Variants in ANKS1A observed in about 807,000 individuals in gnomAD.
The protein encoded by ANKS1A is ankyrin repeat and SAM domain-containing protein 1A.
Under a neutral mutation model 120.3 loss-of-function variants are expected in ANKS1A, and 55 were observed. The observed-to-expected ratio is 0.46, with a 90% confidence interval of 0.37 to 0.57. ANKS1A has a LOEUF of 0.57. ANKS1A is among the 20% of genes least tolerant of loss of function. The pLI, the probability that ANKS1A is intolerant of heterozygous loss-of-function variation, is 0.00. For synonymous variants in ANKS1A, 590 were observed against 604.7 expected (o/e 0.98, Z 0.36); for missense variants, 1,123 against 1,480.3 (o/e 0.76, Z 3.96).
intron 10 of ANKS1A, among the ~76,000 whole-genome samples, chr6:35,002,722 AAAG>A (rs532718265): frequency 1.6e-4 from 25 of 152,196 alleles, no homozygotes; most frequent in Non-Finnish European, 3.2e-4. Flanking sequence ...TCCCGGCCCT[AAAG>A]AATCACCCTG....
At chr6:34,969,599 A>G (rs1771078756) in intron 2 of ANKS1A, among the ~76,000 whole-genome samples, 1 of 152,128 alleles carries the variant, frequency 6.6e-6, no homozygotes, top group Non-Finnish European at 1.5e-5. Flanking sequence ...TTCAGCTCCT[A>G]CATCACTAAA....
intron 13 of ANKS1A, among the ~76,000 whole-genome samples, chr6:35,064,172 T>G (rs993324725): frequency 3.9e-5 from 6 of 152,126 alleles, no homozygotes; most frequent in Non-Finnish European, 8.8e-5. Context: ...TCTCTGCTAG[T>G]GCCCCACACC....
chr6:34,903,347 C>CTT (rs148365667), intron 1 of ANKS1A, among the ~76,000 whole-genome samples: 3 of 145,100 alleles, frequency 2.1e-5, no homozygotes, highest in African/African-American at 5.0e-5. Context: ...TGTAGAAAAA[C>CTT]TTTTTTTTTT....
At chr6:34,980,574 C>T (rs978541971) in intron 3 of ANKS1A, among the ~76,000 whole-genome samples, 2 of 152,190 alleles carry the variant, frequency 1.3e-5, no homozygotes, top group African/African-American at 2.4e-5. Flanking sequence ...GACCTTTTGA[C>T]CACTGAAAGG....
In ANKS1A at chr6:34,950,289, C is replaced by T. The variant is rs184332096; in HGVS notation, c.198-16950C>T. Among the ~76,000 whole-genome samples the T allele has an allele frequency of 2.8e-5, 4 of 141,634 alleles. No homozygotes were observed. In the South Asian group the frequency reaches 6.7e-4, roughly 24 times the overall value. 92.9% of individuals were successfully genotyped at this position (141,634 alleles called of 152,430 possible). ...TCGCCCAGGCTGGAGTACAGTGGCG[C>T]GATCTTGGCTTACTGGAACCTCCGT... On this transcript the variant is annotated intron_variant, in intron 1 of 23. Coordinates refer to ENST00000360359, the MANE Select transcript of ANKS1A (RefSeq NM_015245.3).
intron 10 of ANKS1A, among the ~76,000 whole-genome samples, chr6:35,000,471 AAAAG>A (rs933581172): frequency 9.6e-4 from 146 of 152,252 alleles, no homozygotes; most frequent in African/African-American, 3.2e-3. Flanking sequence ...TAAAAAAAAA[AAAAG>A]AATGGTTATC....
chr6:34,943,572 T>C (rs1479877063), intron 1 of ANKS1A, among the ~76,000 whole-genome samples: 1 of 152,196 alleles, frequency 6.6e-6, no homozygotes, highest in East Asian at 1.9e-4. Flanking sequence ...TGCCCTGTGC[T>C]CCATCTATTC....
chr6:35,083,523 T>C lies in ANKS1A; in HGVS notation c.2994+20T>C. The stretch of plus-strand genomic sequence containing the variant: ...AACAAGGTGTGCTGCTTACAGGGAC[T>C]CTTGGTGGGAGTGGGACCCACATCC... On this transcript the variant is annotated intron_variant, in intron 20 of 23. Transcript: ENST00000360359. The C allele has an allele frequency of 1.2e-6, 2 of 1,612,180 alleles. No homozygotes were observed. Among genetic ancestry groups the C allele is most frequent in the Non-Finnish European group, 1.7e-6 (2 of 1,178,258 alleles).
intron 1 of ANKS1A, among the ~76,000 whole-genome samples, chr6:34,929,879 GTGTT>G (rs1768901825): frequency 7.0e-6 from 1 of 142,670 alleles, no homozygotes; most frequent in Non-Finnish European, 1.5e-5. Flanking sequence ...CTTTCTCTGT[GTGTT>G]TGTTTTGCTT....
At chr6:34,932,935 T>C (rs946279641) in intron 1 of ANKS1A, among the ~76,000 whole-genome samples, 90 of 152,246 alleles carry the variant, frequency 5.9e-4, no homozygotes, top group African/African-American at 2.0e-3. Context: ...AGTGGCTGTA[T>C]CATTTTACAA....
intron 1 of ANKS1A, among the ~76,000 whole-genome samples, chr6:34,943,977 T>C (rs1219599228): frequency 2.0e-5 from 3 of 152,212 alleles, no homozygotes; most frequent in Admixed American, 1.3e-4. Flanking sequence ...AACTGTCTTT[T>C]AAAGTAGACA....
intron 1 of ANKS1A, among the ~76,000 whole-genome samples, chr6:34,929,428 A>G (rs1218038065): frequency 6.6e-6 from 1 of 152,140 alleles, no homozygotes; most frequent in Non-Finnish European, 1.5e-5. Flanking sequence ...TCTCGATCAT[A>G]TTTGCAGATA....
downstream of ANKS1A, among the ~76,000 whole-genome samples, chr6:35,092,350 A>G (rs183409153): frequency 6.6e-6 from 1 of 152,380 alleles, no homozygotes; most frequent in East Asian, 1.9e-4. Context: ...CATATTGAAC[A>G]TAAACAATAG....
chr6:35,081,344 G>A (rs1011845713), intron 17 of ANKS1A, among the ~76,000 whole-genome samples, 186 bp downstream of exon 17: 1 of 152,186 alleles, frequency 6.6e-6, no homozygotes, highest in Non-Finnish European at 1.5e-5. Flanking sequence ...CAGCACCCAT[G>A]GTGCCGAGCT....
intron 1 of ANKS1A, among the ~76,000 whole-genome samples, chr6:34,935,561 T>C (rs2127477674): frequency 6.6e-6 from 1 of 152,352 alleles, no homozygotes; most frequent in African/African-American, 2.4e-5. Flanking sequence ...ATATCTGGGC[T>C]CCCTTTCCGG....
intron 13 of ANKS1A, among the ~76,000 whole-genome samples, chr6:35,065,599 G>A (rs1440099425): frequency 1.3e-5 from 2 of 152,236 alleles, no homozygotes; most frequent in Non-Finnish European, 2.9e-5. Flanking sequence ...TGGCAGCCAC[G>A]TCCCTGGACC....
intron 1 of ANKS1A, among the ~76,000 whole-genome samples, chr6:34,913,752 G>A (rs960944317): frequency 4.6e-5 from 7 of 151,620 alleles, no homozygotes; most frequent in Admixed American, 1.3e-4. Context: ...TCATGCCTCA[G>A]CCTCCCAAGA....
chr6:34,999,670 C>T (rs1345033111), intron 10 of ANKS1A, among the ~76,000 whole-genome samples: 1 of 152,106 alleles, frequency 6.6e-6, no homozygotes, highest in Non-Finnish European at 1.5e-5. Flanking sequence ...TAGACAGGTC[C>T]CTTGTTTCAA....
intron 3 of ANKS1A, among the ~76,000 whole-genome samples, chr6:34,978,981 C>T (rs979022628): frequency 6.6e-5 from 10 of 151,548 alleles, no homozygotes; most frequent in Admixed American, 2.0e-4. Flanking sequence ...CTGCAACCTC[C>T]GCCTCCTGGG....
Sources: gnomAD v4.1 joint callset for allele counts (sites outside exome capture counted in the v4.1 genomes callset) on GRCh38, gnomAD v4.1.1 for gene constraint, MANE v1.5 for transcripts, NCBI Gene and HGNC (gene_info 2026-07-23, HGNC 2026-07-21) for gene names.